Variants in FSTL5 observed in about 807,000 individuals in gnomAD.
FSTL5 encodes the protein follistatin like 5.
FSTL5 carries 62 observed loss-of-function variants against 89.1 expected under a neutral mutation model. The ratio of observed to expected loss-of-function variants is 0.70; its 90% confidence interval spans 0.57 to 0.86. The LOEUF (loss-of-function observed/expected upper bound fraction) is 0.86, where lower values mean the gene tolerates loss of function less well. Among genes scored for constraint, FSTL5 ranks in the 40% least tolerant of loss-of-function variants. The probability of loss-of-function intolerance (pLI) is 0.00; values close to 1 mark genes in which losing one functional copy is unlikely to be tolerated. For synonymous variants in FSTL5, 383 were observed against 346.2 expected, an observed-to-expected ratio of 1.11 and a Z score of -1.18; for missense variants, 1,057 against 1,001.6, an observed-to-expected ratio of 1.06 and a Z score of -0.75.
chr4:162,021,176 CAGTAT>C (rs766797850), intron 3 of FSTL5, among the ~76,000 whole-genome samples: 39 of 152,084 alleles, frequency 2.6e-4, no homozygotes, highest in Non-Finnish European at 5.6e-4. Flanking sequence ...GCAATGGATA[CAGTAT>C]AGTCTATACT....
At chr4:161,426,928 T>A (rs1732185528) in intron 15 of FSTL5, among the ~76,000 whole-genome samples, 2 of 152,206 alleles carry the variant, frequency 1.3e-5, no homozygotes, top group South Asian at 4.1e-4. Flanking sequence ...ATAAATTACA[T>A]CAATACTATG....
intron 4 of FSTL5, among the ~76,000 whole-genome samples, chr4:161,779,385 T>C (rs1210136701): frequency 2.0e-5 from 3 of 152,144 alleles, no homozygotes; most frequent in Admixed American, 6.5e-5. Flanking sequence ...TCATAGACTT[T>C]TTAGTTATAA....
chr4:162,116,877 C>T (rs1445586700), intron 1 of FSTL5, among the ~76,000 whole-genome samples: 2 of 152,150 alleles, frequency 1.3e-5, no homozygotes, highest in Non-Finnish European at 2.9e-5. Context: ...TAAGTCCAAC[C>T]TGATTCTTTG....
intron 7 of FSTL5, among the ~76,000 whole-genome samples, chr4:161,644,136 G>C (rs1257820153): frequency 6.6e-6 from 1 of 152,082 alleles, no homozygotes; most frequent in African/African-American, 2.4e-5. Flanking sequence ...AGGCACAAGA[G>C]GCGTTTGTTT....
At chr4:161,827,073 C>T (rs1730691009) in intron 4 of FSTL5, among the ~76,000 whole-genome samples, 1 of 152,072 alleles carries the variant, frequency 6.6e-6, no homozygotes, top group Admixed American at 6.6e-5. Flanking sequence ...TCTTGTAGTG[C>T]TGGGTGGACT....
At chr4:162,003,092 C>T (rs1019218184) in intron 3 of FSTL5, among the ~76,000 whole-genome samples, 5 of 151,882 alleles carry the variant, frequency 3.3e-5, no homozygotes, top group African/African-American at 9.7e-5. Context: ...TGCAGTGAGC[C>T]GAGATCGCAC....
At chr4:161,872,148 T>C (rs983064920) in intron 4 of FSTL5, among the ~76,000 whole-genome samples, 2 of 135,786 alleles carry the variant, frequency 1.5e-5, no homozygotes, top group African/African-American at 5.3e-5. Flanking sequence ...TTGGTTTTTT[T>C]TTTTTTTTTT....
At chr4:161,698,482 G>A (rs1452887725) in intron 6 of FSTL5, among the ~76,000 whole-genome samples, 2 of 152,156 alleles carry the variant, frequency 1.3e-5, no homozygotes, top group Admixed American at 1.3e-4. Flanking sequence ...ATGAGGTATT[G>A]TATTCTTGAA....
At chr4:161,530,190 TA>T (rs1560939950) in intron 10 of FSTL5, among the ~76,000 whole-genome samples, 1 of 142,732 alleles carries the variant, frequency 7.0e-6, no homozygotes, top group Admixed American at 7.5e-5. Flanking sequence ...TCTTTATAGG[TA>T]AAAAGACCAT....
At chr4:161,877,995 T>TA (rs1732503441) in intron 4 of FSTL5, among the ~76,000 whole-genome samples, 1 of 46,072 alleles carries the variant, frequency 2.2e-5, no homozygotes. Context: ...ATATTAAAAA[T>TA]CTTTTTTTTA....
intron 8 of FSTL5, among the ~76,000 whole-genome samples, chr4:161,576,617 T>C (rs1733216893): frequency 1.3e-5 from 2 of 152,238 alleles, no homozygotes; most frequent in South Asian, 2.1e-4. Context: ...TGGCTAGCCA[T>C]ATGCAGAAAA....
intron 4 of FSTL5, among the ~76,000 whole-genome samples, chr4:161,811,814 G>A (rs11944718): frequency 0.74 from 112,698 of 152,032 alleles, 41,792 homozygotes; most frequent in Admixed American, 0.76. Flanking sequence ...TCAAATATTT[G>A]TCTTAGGAAT....
chr4:161,887,392 CATCTATCT>C lies in FSTL5; in HGVS notation c.409+33004_409+33011del, dbSNP rs60103951. ...TCTGTTTTGTATTATCTCTATCTAT[CATCTATCT>C]ATCTATCTATCTATCTATCTATCTA... On this transcript the variant is annotated intron_variant, in intron 4 of 15. Coordinates refer to ENST00000306100, the MANE Select transcript of FSTL5 (RefSeq NM_020116.5). Among the ~76,000 whole-genome samples the C allele has an allele frequency of 3.2e-3, 428 of 133,140 alleles. 4 individuals are homozygous for C. Among genetic ancestry groups the C allele is most frequent in the African/African-American group, 7.6e-3 (288 of 37,760 alleles). 87.3% of individuals were successfully genotyped at this position (133,140 alleles called of 152,430 possible).
intron 3 of FSTL5, among the ~76,000 whole-genome samples, chr4:161,934,557 C>G (rs185009831): frequency 1.4e-3 from 214 of 152,132 alleles, no homozygotes; most frequent in African/African-American, 5.0e-3. Flanking sequence ...CCTTCTATTG[C>G]CTGAGTTTGA....
At chr4:161,714,175 C>A (rs1560804694) in intron 6 of FSTL5, among the ~76,000 whole-genome samples, 1 of 152,118 alleles carries the variant, frequency 6.6e-6, no homozygotes, top group Non-Finnish European at 1.5e-5. Flanking sequence ...AGCCTTCCAT[C>A]TGGCTAGATG....
chr4:161,484,278 T>C (rs1729607614), intron 12 of FSTL5, among the ~76,000 whole-genome samples: 1 of 152,126 alleles, frequency 6.6e-6, no homozygotes, highest in South Asian at 2.1e-4. Context: ...CCGGCATCAT[T>C]CCTAAAGACA....
rs181146094 is a variant in FSTL5, at chr4:161,928,359, G to A, written c.161-7707C>T. On this transcript the variant is annotated intron_variant, in intron 3 of 15. Coordinates refer to ENST00000306100, the MANE Select transcript of FSTL5 (RefSeq NM_020116.5). ...AGGTTTGGCATTGTAAATAAAGTGA[G>A]TTGCTATAAATATTTATGTACAGGT... Among the ~76,000 whole-genome samples the A allele has an allele frequency of 9.4e-4, 143 of 151,924 alleles. 1 individual carries two copies. The highest frequency in any genetic ancestry group is 3.3e-3 in the African/African-American group (135 of 41,500).
chr4:161,419,091 G>A (rs1203822329), intron 15 of FSTL5, among the ~76,000 whole-genome samples: 3 of 152,128 alleles, frequency 2.0e-5, no homozygotes, highest in African/African-American at 7.2e-5. Flanking sequence ...TCTATTTCAT[G>A]TAGAGCTTCC....
chr4:161,975,424 T>TA (rs1278888394), intron 3 of FSTL5, among the ~76,000 whole-genome samples: 3 of 151,594 alleles, frequency 2.0e-5, no homozygotes, highest in East Asian at 2.0e-4. Context: ...TATGCAGCCA[T>TA]AAAAAATGAT....
Sources: allele counts gnomAD v4.1 joint callset (sites outside exome capture counted in the v4.1 genomes callset), GRCh38; gene constraint gnomAD v4.1.1; transcripts MANE v1.5; gene names NCBI Gene and HGNC (gene_info 2026-07-23, HGNC 2026-07-21).